The following BNIP2 variants were observed in gnomAD, a reference collection of about 807,000 sequenced individuals.
BNIP2 encodes BCL2 interacting protein 2.
BNIP2 carries 36 observed loss-of-function variants against 43.4 expected under a neutral mutation model. That is an observed-to-expected ratio of 0.83 (90% CI 0.64 to 1.10). BNIP2 has a LOEUF of 1.10. Among genes scored for constraint, BNIP2 ranks in the 50% least tolerant of loss-of-function variants. The pLI, the probability that BNIP2 is intolerant of heterozygous loss-of-function variation, is 0.00. For synonymous variants in BNIP2, 146 were observed against 121.0 expected, an observed-to-expected ratio of 1.21 and a Z score of -1.35; for missense variants, 417 against 374.1, an observed-to-expected ratio of 1.11 and a Z score of -0.95.
chr15:59,670,247 A>G (rs1892815254), intron 7 of BNIP2, among the ~76,000 whole-genome samples: 1 of 152,192 alleles, frequency 6.6e-6, no homozygotes, highest in African/African-American at 2.4e-5. Flanking sequence ...CCTGGGCAAC[A>G]TGTCAAAACG....
intron 2 of BNIP2, among the ~76,000 whole-genome samples, 168 bp downstream of exon 2, chr15:59,682,240 T>G (rs923325623): frequency 1.3e-5 from 2 of 152,066 alleles, no homozygotes; most frequent in Admixed American, 6.6e-5. Context: ...GGCAGAAGAA[T>G]TGCTTGAATC....
intron 5 of BNIP2, among the ~76,000 whole-genome samples, chr15:59,676,015 A>T (rs1893261795): frequency 6.6e-6 from 1 of 152,182 alleles, no homozygotes; most frequent in Non-Finnish European, 1.5e-5. Context: ...CTACATTTTT[A>T]GGGGTATGGG....
Position 59,672,569 on chromosome 15 carries a change from G to C in BNIP2, c.575+68C>G, listed in dbSNP as rs1430641517. 3.4e-6 allele frequency: 4 copies of C among 1,192,890 alleles called. No individual in the cohort carries two copies. The African/African-American group carries it at 4.6e-5, about 14-fold the overall frequency. 73.9% of individuals were successfully genotyped at this position (1,192,890 alleles called of 1,614,324 possible). On this transcript the variant is annotated intron_variant, in intron 6 of 9. Transcript: ENST00000607373. ...TATTTATAATTTTTGAAAAGGTTAA[G>C]TTTCTTAAGGTGTAGATCTAATTAG...
intron 5 of BNIP2, chr15:59,677,334 A>G: frequency 1.3e-6 from 2 of 1,559,294 alleles, no homozygotes; most frequent in African/African-American, 2.7e-5. Flanking sequence ...CCCAGCGTTC[A>G]GAAGGCCAGC....
At chr15:59,676,916 G>A (rs1042477143) in intron 5 of BNIP2, 51 of 1,606,298 alleles carry the variant, frequency 3.2e-5, no homozygotes, top group Non-Finnish European at 4.0e-5. Context: ...GGCAGCCTAC[G>A]GACTCTTCAC....
chr15:59,688,838 G>A (rs904068162), intron 1 of BNIP2: 7 of 1,529,412 alleles, frequency 4.6e-6, no homozygotes, highest in African/African-American at 2.7e-5. Flanking sequence ...GGGTGGGGGA[G>A]CGGAGGAGGG....
intron 3 of BNIP2, 145 bp downstream of exon 3, chr15:59,680,096 A>G: frequency 1.4e-6 from 1 of 727,358 alleles, no homozygotes; most frequent in Non-Finnish European, 2.1e-6. Context: ...GCATTCTAAA[A>G]ATGCTTTCCT....
chr15:59,665,001 C>T (rs1446977253), intron 9 of BNIP2, among the ~76,000 whole-genome samples: 1 of 152,232 alleles, frequency 6.6e-6, no homozygotes. Context: ...TGCCGTGGCT[C>T]ACGCCTGTAA....
intron 1 of BNIP2, chr15:59,688,520 G>C (rs201573029): frequency 3.7e-6 from 2 of 541,010 alleles, no homozygotes; most frequent in East Asian, 7.4e-5. Flanking sequence ...ACAAGACACA[G>C]ACAAGTAACT....
intron 5 of BNIP2, among the ~76,000 whole-genome samples, chr15:59,675,932 G>T (rs1444326730): frequency 6.6e-6 from 1 of 152,208 alleles, no homozygotes; most frequent in Non-Finnish European, 1.5e-5. Flanking sequence ...GGGTAGATAT[G>T]ACAGTGGCTA....
chr15:59,675,014 G>T (rs1189708408), intron 5 of BNIP2, among the ~76,000 whole-genome samples: 2 of 151,990 alleles, frequency 1.3e-5, no homozygotes, highest in African/African-American at 4.8e-5. Flanking sequence ...ACTTTGGGAG[G>T]CTGAGGCGGG....
Position 59,679,763 on chromosome 15 carries a change from G to T in BNIP2, c.124C>A (p.Leu42Ile). ...ITGPEDQPGSLEVNGNKVRKK... is the reference protein window; with the variant it reads ...ITGPEDQPGSIEVNGNKVRKK... Reference sequence around the variant, plus strand: ...CTCACTTTATTTCCATTAACTTCTAGTGAGCCTGGAATTGGAAAATAAAGA... The same window carrying T: ...CTCACTTTATTTCCATTAACTTCTATTGAGCCTGGAATTGGAAAATAAAGA... The change falls in exon 4 of 10, where the codon CTA becomes ATA. Residue 42 changes from leucine to isoleucine, a missense_variant. Transcript: ENST00000607373. 1 of 1,509,142 alleles carries T rather than the reference G, an allele frequency of 6.6e-7. No homozygotes were observed. The highest frequency in any genetic ancestry group is 8.8e-7 in the Non-Finnish European group (1 of 1,134,008). The allele number at this position is 1,509,142 out of a possible 1,614,324, so 93.5% of individuals were successfully genotyped here. A position where few individuals can be genotyped will look rare whatever the true frequency, so the allele number is the denominator to read the frequency against.
chr15:59,679,522 AATG>A, intron 4 of BNIP2, 67 bp downstream of exon 4: 1 of 1,437,360 alleles, frequency 7.0e-7, no homozygotes, highest in Non-Finnish European at 9.4e-7. Context: ...CTTTAGAAAG[AATG>A]ATGTATTTCA....
Position 59,689,227 on chromosome 15 carries a change from GAGCCCGCTC to G in BNIP2, c.-159_-151del. ...AGGTCGCAAAAAGCAGGGCCGAGCG[GAGCCCGCTC>G]CCCTCGGTCGGCGGTGGAGACCCCG... is the stretch of plus-strand genomic sequence containing the variant. On this transcript the variant is annotated 5_prime_UTR_variant, in exon 1 of 10. Transcript: ENST00000607373. 1 of 1,541,440 alleles carries G rather than the reference GAGCCCGCTC, an allele frequency of 6.5e-7. No homozygotes were observed. The highest frequency in any genetic ancestry group is 8.7e-7 in the Non-Finnish European group (1 of 1,146,272).
At chr15:59,664,688 T>C (rs1360954018) in intron 9 of BNIP2, among the ~76,000 whole-genome samples, 1 of 152,114 alleles carries the variant, frequency 6.6e-6, no homozygotes. Context: ...GCCATAAACT[T>C]TCTTAAAAGT....
chr15:59,684,905 C>T (rs1371686801), intron 1 of BNIP2, among the ~76,000 whole-genome samples: 9 of 152,150 alleles, frequency 5.9e-5, no homozygotes, highest in Middle Eastern at 3.2e-3. Flanking sequence ...TAGCACATAA[C>T]AGGCCTATAA....
chr15:59,673,772 A>G (rs1237108235), intron 5 of BNIP2, among the ~76,000 whole-genome samples: 1 of 152,142 alleles, frequency 6.6e-6, no homozygotes, highest in Admixed American at 6.6e-5. Flanking sequence ...AAATGCTAGC[A>G]TTTTGTAGAA....
At chr15:59,686,565 AC>A (rs1198518403) in intron 1 of BNIP2, among the ~76,000 whole-genome samples, 1 of 152,184 alleles carries the variant, frequency 6.6e-6, no homozygotes, top group Non-Finnish European at 1.5e-5. Flanking sequence ...CCCCATTTAA[AC>A]AAAAAGGTTT....
At chr15:59,678,838 C>T (rs905421088) in intron 4 of BNIP2, 12 of 1,302,880 alleles carry the variant, frequency 9.2e-6, no homozygotes, top group Non-Finnish European at 1.2e-5. Flanking sequence ...GAAATGACTA[C>T]AGCAGCATTA....
Sources: gnomAD v4.1 joint callset for allele counts (sites outside exome capture counted in the v4.1 genomes callset) on GRCh38, gnomAD v4.1.1 for gene constraint, MANE v1.5 for transcripts, NCBI Gene and HGNC (gene_info 2026-07-23, HGNC 2026-07-21) for gene names.